USP40: variants seen among roughly 807,000 people sequenced by gnomAD.
The protein encoded by USP40 is ubiquitin carboxyl-terminal hydrolase 40.
A neutral mutation model predicts 166.2 loss-of-function variants in USP40; 143 were observed. The ratio of observed to expected loss-of-function variants is 0.86; its 90% CI spans 0.75 to 0.99. The LOEUF (loss-of-function observed/expected upper bound fraction) is 0.99. Among genes scored for constraint, USP40 ranks in the 50% least tolerant of loss-of-function variants. The pLI is 0.00. For synonymous variants in USP40, 498 were observed against 524.0 expected (o/e 0.95, Z 0.68); for missense variants, 1,444 against 1,479.7 (o/e 0.98, Z 0.40).
chr2:233,492,105 CAT>C (rs1426264076), intron 25 of USP40, among the ~76,000 whole-genome samples: 1 of 152,250 alleles, frequency 6.6e-6, no homozygotes, highest in Non-Finnish European at 1.5e-5. Flanking sequence ...AAAGACCACA[CAT>C]GTGATGTGAT....
chr2:233,491,802 T>G (rs2065365350), intron 25 of USP40, among the ~76,000 whole-genome samples: 1 of 152,230 alleles, frequency 6.6e-6, no homozygotes, highest in African/African-American at 2.4e-5. Flanking sequence ...TAAGAAGGCC[T>G]TTCCAAGTTT....
At chr2:233,514,279 A>G (rs772949033) in intron 18 of USP40, among the ~76,000 whole-genome samples, 1 of 152,198 alleles carries the variant, frequency 6.6e-6, no homozygotes, top group Non-Finnish European at 1.5e-5. Context: ...CTATGAAGGA[A>G]AAGTACAGGG....
chr2:233,527,627 A>G, intron 12 of USP40, 49 bp from the exon 13 acceptor site: 7 of 1,455,382 alleles, frequency 4.8e-6, no homozygotes, highest in Non-Finnish European at 6.4e-6. Context: ...TATAACAGAC[A>G]CTGTGTTTTA....
At position 233,480,317 on chromosome 2, in the gene USP40, A is replaced by G. The variant is rs2064487161; in HGVS notation, c.3599+886T>C. ...ATCCACCAGGGCAGAAGCAGTCAGA[A>G]TAGGACAAAAGGCAGATTTAGGAGA... On this transcript the variant is annotated intron_variant, in intron 31 of 31. Transcript: ENST00000678225. This position sits in a 1 kb window ranked among gnomAD's most constrained non-coding sequence, Gnocchi z 4.5. Among the ~76,000 whole-genome samples the G allele has an allele frequency of 6.6e-6, 1 of 152,212 alleles. No individual in the cohort carries two copies. The highest frequency in any genetic ancestry group is 2.1e-4 in the South Asian group (1 of 4,826).
chr2:233,525,981 G>A (rs989370957), intron 13 of USP40, among the ~76,000 whole-genome samples: 8 of 152,158 alleles, frequency 5.3e-5, no homozygotes, highest in African/African-American at 1.9e-4. Flanking sequence ...CTAGCTGCTT[G>A]AAAGGAATGT....
In USP40 at chr2:233,485,571, G is replaced by A. The variant is rs1040427924; in HGVS notation, c.3464C>T (p.Ala1155Val). ...KKKKQDYLQG[A>V]PYYLKDGDTI... The stretch of plus-strand genomic sequence containing the variant: ...ATCTCCGTCTTTCAAGTAATACGGT[G>A]CCCCTTGCAAATAATCTTGTTTTTT... The change falls in exon 30 of 32, where the codon GCA becomes GTA. Residue 1155 changes from alanine to valine, a missense_variant. Transcript: ENST00000678225. 10 of 1,613,762 alleles carry A rather than the reference G, an allele frequency of 6.2e-6. 1 individual carries two copies. Among genetic ancestry groups the A allele is most frequent in the South Asian group, 3.3e-5 (3 of 91,054 alleles).
At position 233,521,596 on chromosome 2, in the gene USP40, G is replaced by A. The variant is rs192072102; in HGVS notation, c.2202-482C>T. 6.6e-5 allele frequency among the ~76,000 whole-genome samples: 10 copies of A among 152,224 alleles called. No individual in the cohort carries two copies. In the East Asian group the frequency reaches 1.2e-3, roughly 18 times the overall value. ...AGAGTTTTGTTTTATAATTGCAGCC[G>A]GCAGTAGAGTATCTTGTTCTAACAT... On this transcript the variant is annotated intron_variant, in intron 16 of 31. Transcript: ENST00000678225.
At chr2:233,511,906 G>A in intron 19 of USP40, 109 bp from the exon 20 acceptor site, 1 of 891,686 alleles carries the variant, frequency 1.1e-6, no homozygotes. Context: ...CAAGAAAGAA[G>A]AAAAATGAGT....
intron 18 of USP40, among the ~76,000 whole-genome samples, chr2:233,515,603 T>C: frequency 6.6e-6 from 1 of 152,152 alleles, no homozygotes; most frequent in South Asian, 2.1e-4. Flanking sequence ...AAGTTGATTG[T>C]CAAATATGTG....
At chr2:233,543,056 C>T (rs1346496210) in intron 8 of USP40, among the ~76,000 whole-genome samples, 6 of 152,186 alleles carry the variant, frequency 3.9e-5, no homozygotes, top group East Asian at 3.8e-4. Context: ...AGATTAAATA[C>T]TCCTTTCTAT....
chr2:233,565,432 G>A lies in USP40; in HGVS notation c.123C>T (p.Ser41=), dbSNP rs535120751. ...PPAPREFTNL[S]GIRNQGGTCY... is the part of the protein sequence containing the mutation. ...AGGTTCCACCCTGATTTCTGATTCC[G>A]CTTAAATTGGTGAATTCTCTAGGAG... The change falls in exon 2 of 32, where the codon AGC becomes AGT. Residue 41 remains serine, a synonymous_variant. Transcript: ENST00000678225. 36 of 1,537,174 alleles carry A rather than the reference G, an allele frequency of 2.3e-5. 1 individual carries two copies. The East Asian group carries it at 3.4e-4, about 15-fold the overall frequency.
At chr2:233,518,993 A>G (rs2067458932) in intron 18 of USP40, among the ~76,000 whole-genome samples, 3 of 152,242 alleles carry the variant, frequency 2.0e-5, no homozygotes, top group Admixed American at 2.0e-4. Context: ...ATGATATGCT[A>G]TGTGAAAGAA....
intron 14 of USP40, 52 bp from the exon 15 acceptor site, chr2:233,524,614 G>A (rs532870373): frequency 2.9e-6 from 4 of 1,390,116 alleles, no homozygotes; most frequent in South Asian, 2.9e-5. Flanking sequence ...AGAAACAACT[G>A]AGCTAAAGAA....
At chr2:233,509,298 A>C (rs764712761) in intron 21 of USP40, among the ~76,000 whole-genome samples, 1 of 152,204 alleles carries the variant, frequency 6.6e-6, no homozygotes, top group Non-Finnish European at 1.5e-5. Context: ...TTCCAATACT[A>C]AAGGTCTCAG....
Position 233,554,878 on chromosome 2 carries a change from A to G in USP40, c.547-352T>C, listed in dbSNP as rs139508643. Among the ~76,000 whole-genome samples, 6 of 152,324 alleles carry G rather than the reference A, an allele frequency of 3.9e-5. No homozygotes were observed. In the East Asian group the frequency reaches 9.6e-4, roughly 24 times the overall value. ...ATACAGTACTGTTTTAGACTAGACTATAAGAGCAAGGGCAGGGTTGAATTT... is the reference window on the plus strand; with the variant it reads ...ATACAGTACTGTTTTAGACTAGACTGTAAGAGCAAGGGCAGGGTTGAATTT... On this transcript the variant is annotated intron_variant, in intron 5 of 31. Coordinates refer to ENST00000678225, the MANE Select transcript of USP40 (RefSeq NM_001365479.2).
At position 233,489,680 on chromosome 2, in the gene USP40, T is replaced by TCCTCTG. The variant is rs2065181817; in HGVS notation, c.3013-203_3013-198dup. 5 of 522,172 alleles carry TCCTCTG rather than the reference T, an allele frequency of 9.6e-6. No individual in the cohort carries two copies. The East Asian group carries it at 1.7e-4, about 17-fold the overall frequency. 32.3% of individuals were successfully genotyped at this position (522,172 alleles called of 1,614,324 possible). A position where few individuals can be genotyped will look rare whatever the true frequency, so the allele number is the denominator to read the frequency against. ...CACTAACCCTGAGCGGTCTTCATAT[T>TCCTCTG]CCTCTGCACTGAAATCACCTTGAGA... On this transcript the variant is annotated intron_variant, in intron 26 of 31. Coordinates refer to ENST00000678225, the MANE Select transcript of USP40 (RefSeq NM_001365479.2).
intron 8 of USP40, 32 bp from the exon 9 acceptor site, chr2:233,542,395 C>T (rs1286481251): frequency 1.5e-6 from 2 of 1,318,312 alleles, no homozygotes; most frequent in South Asian, 1.3e-5. Flanking sequence ...GTTTCTATCA[C>T]TAACCCCTTA....
intron 4 of USP40, among the ~76,000 whole-genome samples, chr2:233,558,119 C>T (rs1227548048): frequency 6.7e-6 from 1 of 149,468 alleles, no homozygotes; most frequent in African/African-American, 2.4e-5. Context: ...TGTAATTTAT[C>T]TAATATCACT....
Position 233,493,412 on chromosome 2 carries a change from A to G in USP40, c.2917+13T>C, listed in dbSNP as rs780039879. 2 of 1,613,984 alleles carry G rather than the reference A, an allele frequency of 1.2e-6. No individual in the cohort carries two copies. The highest frequency in any genetic ancestry group is 3.3e-5 in the Admixed American group (2 of 60,022). Reference sequence around the variant, plus strand: ...ATGATGCACTGGCTGCTGAAATCCCATTCTGTTCTCACCTTGGCTGGAAGT... The same window carrying G: ...ATGATGCACTGGCTGCTGAAATCCCGTTCTGTTCTCACCTTGGCTGGAAGT... On this transcript the variant is annotated intron_variant, in intron 25 of 31. Transcript: ENST00000678225. The surrounding 1 kb of genome is among the most constrained non-coding windows in gnomAD (Gnocchi z 4.7).
Sources: allele counts gnomAD v4.1 joint callset (sites outside exome capture counted in the v4.1 genomes callset), GRCh38; gene constraint gnomAD v4.1.1; non-coding constraint Gnocchi (gnomAD v3.1); transcripts MANE v1.5; gene names NCBI Gene and HGNC (gene_info 2026-07-23, HGNC 2026-07-21).